ANK2: variants seen among roughly 807,000 people sequenced by gnomAD.
ANK2 encodes ankyrin 2, also known as ankyrin-2.
Under a neutral mutation model 360.5 loss-of-function variants are expected in ANK2, and 83 were observed. The ratio of observed to expected loss-of-function variants is 0.23; its 90% confidence interval spans 0.19 to 0.28. The LOEUF is 0.28. ANK2 is among the 10% of genes least tolerant of loss of function. The pLI is 1.00. For missense variants in ANK2, 4,201 were observed against 4,795.7 expected (o/e 0.88, Z 3.66); for synonymous variants, 1,740 against 1,759.5 (o/e 0.99, Z 0.28).
chr4:113,263,626 G>A (rs968928328), intron 13 of ANK2, among the ~76,000 whole-genome samples: 43 of 152,170 alleles, frequency 2.8e-4, no homozygotes, highest in Non-Finnish European at 7.4e-5. Context: ...AGGGTTTGTT[G>A]TACAAGGAAT....
At chr4:112,967,222 G>C (rs1412902289) in intron 2 of ANK2, among the ~76,000 whole-genome samples, 3 of 152,172 alleles carry the variant, frequency 2.0e-5, no homozygotes, top group Non-Finnish European at 4.4e-5. Flanking sequence ...TATGATCTTG[G>C]CTCCCCCTTG....
intron 1 of ANK2, among the ~76,000 whole-genome samples, chr4:113,150,142 C>G (rs1241185419): frequency 6.6e-6 from 1 of 152,054 alleles, no homozygotes; most frequent in Non-Finnish European, 1.5e-5. Context: ...TGGTGCAGAT[C>G]AGCTGTACCA....
chr4:112,802,575 G>A, the ANK2 span, among the ~76,000 whole-genome samples: 1 of 152,034 alleles, frequency 6.6e-6, no homozygotes, highest in Admixed American at 6.6e-5. Context: ...GGAGGAGAGG[G>A]GCATTATTCC....
In ANK2 at chr4:113,342,998, T is replaced by TC; in HGVS notation, c.4123-18dup. The TC allele has an allele frequency of 3.1e-6, 5 of 1,613,710 alleles. No homozygotes were observed. The highest frequency in any genetic ancestry group is 4.2e-6 in the Non-Finnish European group (5 of 1,179,878). ...TAATTGCAGCTACTTTATTGTTATTTCTCTCTGTTTTCACTCAGGTGTTAG... is the reference window on the plus strand; with the variant it reads ...TAATTGCAGCTACTTTATTGTTATTTCCTCTCTGTTTTCACTCAGGTGTTAG... On this transcript the variant is annotated intron_variant, in intron 33 of 45. Transcript: ENST00000357077.
rs139378706 is a variant in ANK2 at position 112,928,465 on chromosome 4, A to G, written c.21+23951A>G. On this transcript the variant is annotated intron_variant, in intron 2 of 30. Coordinates refer to the ANK2 transcript ENST00000503271. ...TCTAAGATAGAATTTTTTGGCAATC[A>G]TAATTGTTACTGGCTGAACTGTGTC... 2.0e-3 allele frequency among the ~76,000 whole-genome samples: 308 copies of G among 152,274 alleles called. 4 individuals carry two copies. The highest frequency in any genetic ancestry group is 7.1e-3 in the African/African-American group (294 of 41,564).
chr4:112,985,364 A>G (rs749058925), intron 2 of ANK2, among the ~76,000 whole-genome samples: 28 of 152,162 alleles, frequency 1.8e-4, no homozygotes, highest in Non-Finnish European at 1.6e-4. Context: ...CTGTGAGTCT[A>G]TTTGCTTCCC....
At chr4:113,157,120 T>C (rs2097332359) in intron 1 of ANK2, among the ~76,000 whole-genome samples, 1 of 152,186 alleles carries the variant, frequency 6.6e-6, no homozygotes, top group South Asian at 2.1e-4. Flanking sequence ...TTCAATCAAT[T>C]TGGGAGAGAA....
intron 24 of ANK2, 33 bp from the exon 25 acceptor site, chr4:113,317,674 G>T (rs2153836221): frequency 1.3e-6 from 2 of 1,529,424 alleles, no homozygotes; most frequent in Non-Finnish European, 1.8e-6. Flanking sequence ...TACTGCTGTT[G>T]GTATATGCCA....
At chr4:113,046,223 T>C (rs1397735557), upstream of ANK2, among the ~76,000 whole-genome samples, 1 of 152,162 alleles carries the variant, frequency 6.6e-6, no homozygotes, top group Non-Finnish European at 1.5e-5. Context: ...ATTGATACAA[T>C]ACTACCGGCA....
intron 2 of ANK2, among the ~76,000 whole-genome samples, chr4:113,040,563 C>T (rs567946620): frequency 4.3e-4 from 66 of 152,170 alleles, no homozygotes; most frequent in African/African-American, 1.5e-3. Flanking sequence ...GGAGACACTC[C>T]ATATTTACAT....
chr4:112,882,353 C>T (rs1445164248), intron 1 of ANK2: 1 of 152,206 alleles, frequency 6.6e-6, no homozygotes, highest in Non-Finnish European at 1.5e-5. Flanking sequence ...TGGCACAAGC[C>T]AGATACTCGG....
chr4:113,325,144 T>C (rs191379242), intron 26 of ANK2, among the ~76,000 whole-genome samples: 3 of 152,354 alleles, frequency 2.0e-5, no homozygotes, highest in South Asian at 2.1e-4. Flanking sequence ...GAGTAAGAGA[T>C]GCAATTAAAG....
At chr4:113,122,452 A>G (rs1460423148) in intron 1 of ANK2, among the ~76,000 whole-genome samples, 1 of 152,218 alleles carries the variant, frequency 6.6e-6, no homozygotes, top group African/African-American at 2.4e-5. Context: ...GTTACATTCT[A>G]GAACTCTACA....
chr4:112,920,763 T>C (rs757392871), intron 2 of ANK2, among the ~76,000 whole-genome samples: 2 of 152,218 alleles, frequency 1.3e-5, no homozygotes, highest in Non-Finnish European at 2.9e-5. Context: ...TGTTCTATTC[T>C]CATTTAGTTG....
intron 2 of ANK2, among the ~76,000 whole-genome samples, chr4:112,961,031 T>C: frequency 6.6e-6 from 1 of 152,218 alleles, no homozygotes; most frequent in South Asian, 2.1e-4. Context: ...TTAAAAATTC[T>C]TTAGTTTTTG....
chr4:113,159,417 GTTAA>G (rs2097430043), intron 1 of ANK2, among the ~76,000 whole-genome samples: 3 of 151,888 alleles, frequency 2.0e-5, no homozygotes, highest in African/African-American at 7.3e-5. Flanking sequence ...TATTTAGAAG[GTTAA>G]TTAATCTTAC....
At chr4:113,105,854 G>A (rs2093562483) in intron 1 of ANK2, among the ~76,000 whole-genome samples, 1 of 152,150 alleles carries the variant, frequency 6.6e-6, no homozygotes, top group Non-Finnish European at 1.5e-5. Context: ...GTGTGAGACT[G>A]CATAAACAAA....
At chr4:113,200,004 A>G (rs11942005) in intron 4 of ANK2, among the ~76,000 whole-genome samples, 25,619 of 152,186 alleles carry the variant, frequency 0.17, 2,226 homozygotes, top group East Asian at 0.26. Context: ...CCTAGAAAAT[A>G]CAAAAGGCAA....
chr4:113,175,165 G>A (rs1480990618), intron 2 of ANK2, among the ~76,000 whole-genome samples: 1 of 152,124 alleles, frequency 6.6e-6, no homozygotes, highest in African/African-American at 2.4e-5. Context: ...GTTGTGTTGT[G>A]TGTTGTGTGT....
Sources: gnomAD v4.1 joint callset for allele counts (sites outside exome capture counted in the v4.1 genomes callset) on GRCh38, gnomAD v4.1.1 for gene constraint, MANE v1.5 for transcripts, NCBI Gene and HGNC (gene_info 2026-07-23, HGNC 2026-07-21) for gene names.